DMD: variants seen among roughly 807,000 people sequenced by gnomAD.
DMD encodes dystrophin.
DMD carries 63 observed loss-of-function variants against 330.1 expected under a neutral mutation model. The observed-to-expected ratio is 0.19, with a 90% confidence interval of 0.16 to 0.24. The LOEUF (loss-of-function observed/expected upper bound fraction) is 0.24, where lower values mean the gene tolerates loss of function less well. Among genes scored for constraint, DMD ranks in the 10% least tolerant of loss-of-function variants. The pLI, the probability that DMD is intolerant of heterozygous loss-of-function variation, is 1.00. For missense variants in DMD, 3,344 were observed against 2,684.1 expected, an observed-to-expected ratio of 1.25 and a Z score of -5.43; for synonymous variants, 1,223 against 959.8, an observed-to-expected ratio of 1.27 and a Z score of -5.07.
chrX:31,233,164 CAAT>C (rs1355399755), intron 63 of DMD, among the ~76,000 whole-genome samples: 2 of 111,858 alleles, frequency 1.8e-5, no homozygotes, highest in Non-Finnish European at 3.8e-5. Flanking sequence ...CTGGAATAAA[CAAT>C]ACTATTCTCC....
At chrX:31,969,463 C>T (rs1312504710) in intron 44 of DMD, among the ~76,000 whole-genome samples, 1 of 111,175 alleles carries the variant, frequency 9.0e-6, no homozygotes, top group East Asian at 2.9e-4. Context: ...ATCTGAATGA[C>T]TCAAATCCTT....
chrX:32,002,068 A>G (rs1280014336), intron 44 of DMD, among the ~76,000 whole-genome samples: 1 of 111,825 alleles, frequency 8.9e-6, no homozygotes, highest in South Asian at 3.7e-4. Flanking sequence ...TGATGGTCAA[A>G]GCCTGACCCA....
At chrX:32,447,454 T>A (rs780344154) in intron 27 of DMD, among the ~76,000 whole-genome samples, 2 of 111,238 alleles carry the variant, frequency 1.8e-5, no homozygotes, top group African/African-American at 6.5e-5. Flanking sequence ...TCGGATCACA[T>A]TTTACAATTG....
At chrX:31,269,347 A>ATATTAT (rs1010272916) in intron 62 of DMD, among the ~76,000 whole-genome samples, 51 of 110,699 alleles carry the variant, frequency 4.6e-4, no homozygotes, top group African/African-American at 1.4e-3. Flanking sequence ...CCTTCTGATT[A>ATATTAT]TATTATTATT....
Position 32,765,486 on chromosome X carries a change from C to T in DMD, c.649+44007G>A, listed in dbSNP as rs145228570. Among the ~76,000 whole-genome samples, 489 of 111,303 alleles carry T rather than the reference C, an allele frequency of 4.4e-3. 4 individuals carry two copies. Among genetic ancestry groups the T allele is most frequent in the African/African-American group, 0.015 (465 of 30,633 alleles). On this transcript the variant is annotated intron_variant, in intron 7 of 78. Transcript: ENST00000357033. ...TGCCAGCATCATGCTTCCTGTACAG[C>T]CTACAGAAATGTGAGCCAATTAAAC...
At chrX:33,070,451 T>A (rs1033462038) in intron 1 of DMD, among the ~76,000 whole-genome samples, 1 of 110,223 alleles carries the variant, frequency 9.1e-6, no homozygotes, top group Non-Finnish European at 1.9e-5. Context: ...TGATGCTTAA[T>A]AGACAGTAAA....
At chrX:32,470,442 G>A (rs975700222) in intron 22 of DMD, among the ~76,000 whole-genome samples, 7 of 107,702 alleles carry the variant, frequency 6.5e-5, no homozygotes, top group African/African-American at 1.1e-4. Flanking sequence ...AACTTTGGGG[G>A]AAATGTTCAT....
chrX:32,785,699 TC>T (rs2075294114), intron 7 of DMD, among the ~76,000 whole-genome samples: 1 of 111,639 alleles, frequency 9.0e-6, no homozygotes, highest in African/African-American at 3.2e-5. Flanking sequence ...CCCTTAATAT[TC>T]CATATTTTTT....
At chrX:31,752,162 C>T (rs1311109891) in intron 51 of DMD, among the ~76,000 whole-genome samples, 1 of 112,204 alleles carries the variant, frequency 8.9e-6, no homozygotes, top group East Asian at 2.8e-4. Flanking sequence ...AACTTAACCA[C>T]ATCTGTTAAT....
chrX:33,009,442 ATATG>A lies in DMD; in HGVS notation c.93+10693_93+10696del, dbSNP rs1487153167. Among the ~76,000 whole-genome samples, 3 of 27,297 alleles carry A rather than the reference ATATG, an allele frequency of 1.1e-4. 1 individual carries two copies. Among genetic ancestry groups the A allele is most frequent in the African/African-American group, 5.4e-4 (3 of 5,543 alleles). 23.7% of individuals were successfully genotyped at this position (27,297 alleles called of 115,157 possible). A position where few individuals can be genotyped will look rare whatever the true frequency, so the allele number is the denominator to read the frequency against. On this transcript the variant is annotated intron_variant, in intron 2 of 78. Coordinates refer to ENST00000357033, the MANE Select transcript of DMD (RefSeq NM_004006.3). ...TGTGTGTATATGTATGTGTATACAC[ATATG>A]TATGTATGTGTATACACATATGTGT...
At chrX:32,521,097 A>G (rs1038761457) in intron 17 of DMD, among the ~76,000 whole-genome samples, 15 of 111,747 alleles carry the variant, frequency 1.3e-4, no homozygotes, top group African/African-American at 4.9e-4. Flanking sequence ...TCTTTTAATT[A>G]AAGTCATTCC....
chrX:31,774,914 C>T (rs1175000737), intron 50 of DMD, among the ~76,000 whole-genome samples: 1 of 111,549 alleles, frequency 9.0e-6, no homozygotes, highest in Non-Finnish European at 1.9e-5. Context: ...GTGTTGGACA[C>T]TGTAGAGTAA....
intron 54 of DMD, among the ~76,000 whole-genome samples, chrX:31,655,334 T>C (rs2080714001): frequency 9.0e-6 from 1 of 110,905 alleles, no homozygotes. Context: ...TGAACTTGAT[T>C]CGATTTTGCA....
chrX:32,693,808 A>T (rs1344623452), intron 9 of DMD, among the ~76,000 whole-genome samples: 2 of 110,987 alleles, frequency 1.8e-5, no homozygotes, highest in Non-Finnish European at 3.8e-5. Context: ...GTTTGAACCT[A>T]CTCTAATCAG....
chrX:32,720,046 C>A (rs992391951), intron 7 of DMD, among the ~76,000 whole-genome samples: 1 of 110,471 alleles, frequency 9.1e-6, no homozygotes, highest in Non-Finnish European at 1.9e-5. Context: ...ATAAAATACA[C>A]AAGATACTTA....
intron 59 of DMD, among the ~76,000 whole-genome samples, chrX:31,457,617 G>A: frequency 8.9e-6 from 1 of 112,035 alleles, no homozygotes; most frequent in African/African-American, 3.2e-5. Context: ...GTCTCAAAGA[G>A]ATTCTGTTTT....
At chrX:32,797,809 TAAA>T (rs1212609852) in intron 7 of DMD, among the ~76,000 whole-genome samples, 1 of 105,523 alleles carries the variant, frequency 9.5e-6, no homozygotes, top group East Asian at 3.0e-4. Flanking sequence ...CACCTGTAAT[TAAA>T]AAAAAAAAGT....
chrX:31,452,948 G>C (rs1434433839), intron 59 of DMD, among the ~76,000 whole-genome samples: 7 of 111,640 alleles, frequency 6.3e-5, no homozygotes, highest in Non-Finnish European at 1.1e-4. Flanking sequence ...CATACACCCG[G>C]TAAGGGGTCA....
At chrX:31,879,782 G>A (rs1380695449) in intron 47 of DMD, among the ~76,000 whole-genome samples, 2 of 111,842 alleles carry the variant, frequency 1.8e-5, no homozygotes, top group African/African-American at 6.5e-5. Context: ...TGTGAGTAAT[G>A]TATAACGTGG....
Sources: gnomAD v4.1 joint callset for allele counts (sites outside exome capture counted in the v4.1 genomes callset) on GRCh38, gnomAD v4.1.1 for gene constraint, MANE v1.5 for transcripts, NCBI Gene and HGNC (gene_info 2026-07-23, HGNC 2026-07-21) for gene names.